Variants in ZKSCAN7 observed in about 807,000 individuals in gnomAD.
ZKSCAN7 encodes zinc finger protein with KRAB and SCAN domains 7.
Under a neutral mutation model 65.3 loss-of-function variants are expected in ZKSCAN7, and 38 were observed. That is an observed-to-expected ratio of 0.58 (90% CI 0.45 to 0.76). The LOEUF (loss-of-function observed/expected upper bound fraction) is 0.76, where lower values mean the gene tolerates loss of function less well. ZKSCAN7 is among the 30% of genes least tolerant of loss of function. The pLI is 0.00. For missense variants in ZKSCAN7, 815 were observed against 913.3 expected (o/e 0.89, Z 1.39); for synonymous variants, 321 against 321.0 (o/e 1.00, Z 0.00).
At chr3:44,577,551 G>A (rs184926913) in intron 5 of ZKSCAN7, among the ~76,000 whole-genome samples, 4 of 152,234 alleles carry the variant, frequency 2.6e-5, no homozygotes, top group South Asian at 2.1e-4. Context: ...CTTGAGGCGT[G>A]CTGGCTGGGC....
downstream of ZKSCAN7, among the ~76,000 whole-genome samples, chr3:44,574,913 A>G (rs541977941): frequency 6.6e-6 from 1 of 152,244 alleles, no homozygotes; most frequent in East Asian, 1.9e-4. Context: ...CTGGGTGACA[A>G]GAGCAAGACT....
At chr3:44,581,098 G>A (rs976597736) in intron 5 of ZKSCAN7, 69 of 1,010,322 alleles carry the variant, frequency 6.8e-5, no homozygotes, top group East Asian at 9.4e-5. Context: ...GGCTCAGCGC[G>A]GCCGCCGCCG....
At position 44,572,001 on chromosome 3, in the gene ZKSCAN7, A is replaced by G. The variant is rs1040138981; in HGVS notation, c.*626A>G. The G allele has an allele frequency of 1.8e-5, 18 of 986,234 alleles. No homozygotes were observed. The highest frequency in any genetic ancestry group is 2.2e-5 in the Non-Finnish European group (18 of 830,460). The allele number at this position is 986,234 out of a possible 1,614,324, so 61.1% of individuals were successfully genotyped here. ...AGTGCTTTGAATTCACTGGTGCTACAATATGTAACTGTGGTTAATTGCCTT... is the reference window on the plus strand; with the variant it reads ...AGTGCTTTGAATTCACTGGTGCTACGATATGTAACTGTGGTTAATTGCCTT... On this transcript the variant is annotated 3_prime_UTR_variant, in exon 6 of 6. Transcript: ENST00000426540.
At position 44,568,426 on chromosome 3, in the gene ZKSCAN7, C is replaced by T. The variant is rs1460324273; in HGVS notation, c.804C>T (p.Ala268=). ...TGCCAGAAAATCACCATAGCATGGC[C>T]TCCTTGGGTAATGATTCTGTTTCCT... ...NMMPENHHSM[A]SLAGENMMKG... is the part of the protein sequence containing the mutation. The change falls in exon 5 of 6, where the codon GCC becomes GCT. Residue 268 remains alanine (A), a synonymous_variant. Transcript: ENST00000426540. 1.9e-6 allele frequency: 3 copies of T among 1,613,610 alleles called. No individual in the cohort carries two copies. The highest frequency in any genetic ancestry group is 3.3e-5 in the Admixed American group (2 of 59,942).
At chr3:44,567,002 G>T (rs1699651012) in intron 3 of ZKSCAN7, among the ~76,000 whole-genome samples, 1 of 151,958 alleles carries the variant, frequency 6.6e-6, no homozygotes, top group Admixed American at 6.6e-5. Flanking sequence ...TGTAATCCCA[G>T]CTACTCCAGA....
intron 2 of ZKSCAN7, among the ~76,000 whole-genome samples, chr3:44,560,925 G>A (rs1699459263): frequency 6.6e-6 from 1 of 152,196 alleles, no homozygotes. Context: ...TTGCCCGAAA[G>A]ATTTAGCTGA....
rs80211170 is a variant in ZKSCAN7 at position 44,582,312 on chromosome 3, A to G, written c.812-660A>G. 7.3e-3 allele frequency among the ~76,000 whole-genome samples: 1,105 copies of G among 152,326 alleles called. 37 individuals are homozygous for G. The highest frequency in any genetic ancestry group is 0.063 in the Admixed American group (969 of 15,294). ...CTTTTAAGGCATGTGAGTGCTTTACATGAAAACACAATAGGAGAGCAATGT... is the reference window on the plus strand; with the variant it reads ...CTTTTAAGGCATGTGAGTGCTTTACGTGAAAACACAATAGGAGAGCAATGT... On this transcript the variant is annotated intron_variant, in intron 5 of 5. Coordinates refer to the ZKSCAN7 transcript ENST00000341840.
chr3:44,579,933 G>GGT, intron 5 of ZKSCAN7: 8 of 1,607,838 alleles, frequency 5.0e-6, no homozygotes, highest in Non-Finnish European at 6.0e-6. Context: ...TTGGCTCTTC[G>GGT]GTGTGGAGAC....
At position 44,565,571 on chromosome 3, in the gene ZKSCAN7, C is replaced by T; in HGVS notation, c.508C>T (p.Pro170Ser). The change falls in exon 3 of 6, where the codon CCC (proline) becomes TCC (serine). Residue 170 changes from proline (P) to serine (S), a missense_variant. Physicochemically the swap from Pro to Ser is moderately conservative, Grantham distance 74. Coordinates refer to ENST00000426540, the MANE Select transcript of ZKSCAN7 (RefSeq NM_001288590.2). The part of the protein sequence containing the change: ...GTTKESPPTS[P>S]LSGGSAPGAH... ...AACAAAGGAATCTCCTCCTACCTCA[C>T]CCCTCAGTGGGGGCTCAGCCCCTGG... 1 of 1,613,144 alleles carries T rather than the reference C, an allele frequency of 6.2e-7. No homozygotes were observed. Among genetic ancestry groups the T allele is most frequent in the Non-Finnish European group, 8.5e-7 (1 of 1,179,668 alleles).
chr3:44,572,862 A>G (rs914432947), downstream of ZKSCAN7, among the ~76,000 whole-genome samples: 2 of 150,646 alleles, frequency 1.3e-5, no homozygotes, highest in South Asian at 4.2e-4. Flanking sequence ...AAAAAAAAAA[A>G]AAAAAAAAGA....
At chr3:44,578,864 C>G (rs1479886194) in intron 5 of ZKSCAN7, among the ~76,000 whole-genome samples, 1 of 152,254 alleles carries the variant, frequency 6.6e-6, no homozygotes, top group East Asian at 1.9e-4. Context: ...CCCTCACTTG[C>G]ACGTGGCCTG....
At chr3:44,556,572 A>G (rs76930844) in intron 1 of ZKSCAN7, among the ~76,000 whole-genome samples, 18,395 of 152,306 alleles carry the variant, frequency 0.12, 1,146 homozygotes, top group Middle Eastern at 0.19. Flanking sequence ...TAGGAGTTAA[A>G]TAACTTAGTA....
chr3:44,582,047 C>G (rs768889592), intron 5 of ZKSCAN7, among the ~76,000 whole-genome samples: 1 of 152,216 alleles, frequency 6.6e-6, no homozygotes, highest in Non-Finnish European at 1.5e-5. Flanking sequence ...AGTAAATCCC[C>G]TATCCCTAAC....
intron 2 of ZKSCAN7, among the ~76,000 whole-genome samples, chr3:44,559,466 A>T (rs1699401300): frequency 6.6e-6 from 1 of 152,036 alleles, no homozygotes; most frequent in Non-Finnish European, 1.5e-5. Flanking sequence ...TCACCCTATC[A>T]CCCAGGCTGG....
At chr3:44,568,194 T>C (rs1699688602) in intron 4 of ZKSCAN7, 113 bp from the exon 5 acceptor site, 2 of 1,549,436 alleles carry the variant, frequency 1.3e-6, no homozygotes, top group East Asian at 2.3e-5. Context: ...TCTCAGCTCC[T>C]CTCTCCCATA....
intron 1 of ZKSCAN7, among the ~76,000 whole-genome samples, chr3:44,556,488 CAT>C (rs1699298066): frequency 6.6e-6 from 1 of 152,236 alleles, no homozygotes; most frequent in Admixed American, 6.5e-5. Context: ...TTACTCCCTA[CAT>C]TGGTTTATTT....
At chr3:44,558,781 C>CTTTTTTTT in intron 2 of ZKSCAN7, among the ~76,000 whole-genome samples, 1 of 74,330 alleles carries the variant, frequency 1.3e-5, no homozygotes, top group Non-Finnish European at 2.6e-5. Flanking sequence ...CTTTCTTCTT[C>CTTTTTTTT]ATTTTTTTTT....
At position 44,571,897 on chromosome 3, in the gene ZKSCAN7, T is replaced by C. The variant is rs1446827382; in HGVS notation, c.*522T>C. The C allele has an allele frequency of 1.0e-6, 1 of 986,732 alleles. No homozygotes were observed. Among genetic ancestry groups the C allele is most frequent in the Admixed American group, 6.0e-5 (1 of 16,554 alleles). The allele number at this position is 986,732 out of a possible 1,614,324, so 61.1% of individuals were successfully genotyped here. A position where few individuals can be genotyped will look rare whatever the true frequency, so the allele number is the denominator to read the frequency against. ...GCTAATCTTTGTCCCTCACAATTTT[T>C]GAAATCCATCTCATCACTGAAATAC... On this transcript the variant is annotated 3_prime_UTR_variant, in exon 6 of 6. Transcript: ENST00000426540.
intron 2 of ZKSCAN7, among the ~76,000 whole-genome samples, chr3:44,564,599 G>C (rs1284634759): frequency 4.6e-5 from 7 of 152,200 alleles, no homozygotes; most frequent in Non-Finnish European, 1.0e-4. Flanking sequence ...TTGTCAGTGT[G>C]CTCAGAGAAA....
Sources: gnomAD v4.1 joint callset for allele counts (sites outside exome capture counted in the v4.1 genomes callset) on GRCh38, gnomAD v4.1.1 for gene constraint, MANE v1.5 for transcripts, NCBI Gene and HGNC (gene_info 2026-07-23, HGNC 2026-07-21) for gene names.